Variants in TMEM132B observed in about 807,000 individuals in gnomAD.
The protein encoded by TMEM132B is transmembrane protein 132B.
TMEM132B carries 18 observed loss-of-function variants against 90.8 expected under a neutral mutation model. The observed-to-expected ratio is 0.20, with a 90% CI of 0.14 to 0.29. The LOEUF is 0.29. Among genes scored for constraint, TMEM132B ranks in the 10% least tolerant of loss-of-function variants. The probability of loss-of-function intolerance (pLI) is 1.00; values close to 1 mark genes in which losing one functional copy is unlikely to be tolerated. For synonymous variants in TMEM132B, 504 were observed against 523.3 expected (o/e 0.96, Z 0.50); for missense variants, 1,096 against 1,326.8 (o/e 0.83, Z 2.70).
At position 125,406,551 on chromosome 12, in the gene TMEM132B, G is replaced by A. The variant is rs1353489164; in HGVS notation, c.960-8980G>A. ...CTTTGCATTTCCAAGTGCTTCATGT[G>A]TAGTACCTGAAACTCAAGAAATCCT... On this transcript the variant is annotated intron_variant, in intron 2 of 8. Transcript: ENST00000682704. The surrounding 1 kb of genome is among the most constrained non-coding windows in gnomAD (Gnocchi z 8.3). Among the ~76,000 whole-genome samples, 1 of 152,232 alleles carries A rather than the reference G, an allele frequency of 6.6e-6. No individual in the cohort carries two copies. Among genetic ancestry groups the A allele is most frequent in the Non-Finnish European group, 1.5e-5 (1 of 68,046 alleles).
chr12:125,644,406 G>A, intron 6 of TMEM132B, 125 bp downstream of exon 6: 1 of 1,026,892 alleles, frequency 9.7e-7, no homozygotes, highest in Non-Finnish European at 1.4e-6. Flanking sequence ...AGCGTGGTCT[G>A]GGCTTTGGGT....
intron 1 of TMEM132B, among the ~76,000 whole-genome samples, chr12:125,338,213 A>G (rs1336760179): frequency 6.6e-6 from 1 of 152,218 alleles, no homozygotes; most frequent in Non-Finnish European, 1.5e-5. Context: ...GGCTGCAAGT[A>G]ACAGAAGCCC....
intron 1 of TMEM132B, among the ~76,000 whole-genome samples, chr12:125,278,152 C>T (rs56310653): frequency 6.6e-6 from 1 of 152,156 alleles, no homozygotes. Flanking sequence ...ATGTGGCACT[C>T]TATGTGTTTT....
In TMEM132B at chr12:125,415,879, T is replaced by C. The variant is rs2136362316; in HGVS notation, c.1106+202T>C. Among the ~76,000 whole-genome samples, 1 of 152,356 alleles carries C rather than the reference T, an allele frequency of 6.6e-6. No individual in the cohort carries two copies. The highest frequency in any genetic ancestry group is 1.5e-5 in the Non-Finnish European group (1 of 68,034). ...GTTTGGTAACCGCGTTTTAAATTTT[T>C]ATCTTTATTATTACTATTGTTATTG... On this transcript the variant is annotated intron_variant, in intron 3 of 8. Transcript: ENST00000682704. This position sits in a 1 kb window ranked among gnomAD's most constrained non-coding sequence, Gnocchi z 5.3.
chr12:125,428,295 T>G, intron 3 of TMEM132B, among the ~76,000 whole-genome samples: 1 of 50,272 alleles, frequency 2.0e-5, no homozygotes, highest in East Asian at 1.1e-3. Context: ...CACCCAGCTG[T>G]AAATGACTCT....
chr12:125,381,132 C>G (rs1057428614), intron 2 of TMEM132B, among the ~76,000 whole-genome samples: 1 of 152,294 alleles, frequency 6.6e-6, no homozygotes, highest in Admixed American at 6.5e-5. Context: ...TGTGGAGTTA[C>G]AGGCACGGTG....
intron 5 of TMEM132B, among the ~76,000 whole-genome samples, chr12:125,620,519 T>C (rs1348623465): frequency 6.6e-6 from 1 of 151,978 alleles, no homozygotes; most frequent in Non-Finnish European, 1.5e-5. Context: ...CTTAATGTGC[T>C]GTCTTTCTCC....
At chr12:125,471,725 G>A (rs1483162693) in intron 3 of TMEM132B, among the ~76,000 whole-genome samples, 1 of 152,186 alleles carries the variant, frequency 6.6e-6, no homozygotes, top group Non-Finnish European at 1.5e-5. Context: ...GGACCTGAGA[G>A]TTGACATTTC....
In TMEM132B at chr12:125,583,490, G is replaced by A. The variant is rs79432162; in HGVS notation, c.1294-361G>A. On this transcript the variant is annotated intron_variant, in intron 4 of 8. Coordinates refer to ENST00000682704, the MANE Select transcript of TMEM132B (RefSeq NM_001366854.1). ...GAATATAGGCATTCACTTCCCAAAT[G>A]ATCCTTGAGCCGAGATTTGAAAAAT... 2.9e-3 allele frequency among the ~76,000 whole-genome samples: 449 copies of A among 152,232 alleles called. 5 individuals are homozygous for A. The highest frequency in any genetic ancestry group is 8.8e-3 in the African/African-American group (367 of 41,534).
chr12:125,281,641 C>T (rs1214264383), intron 1 of TMEM132B, among the ~76,000 whole-genome samples: 1 of 152,142 alleles, frequency 6.6e-6, no homozygotes, highest in Non-Finnish European at 1.5e-5. Context: ...TGTCCCTCTA[C>T]TCCCCTCCCT....
At chr12:125,294,358 A>C (rs1183984641) in intron 1 of TMEM132B, among the ~76,000 whole-genome samples, 1 of 152,246 alleles carries the variant, frequency 6.6e-6, no homozygotes, top group African/African-American at 2.4e-5. Context: ...AGAGTTACTC[A>C]TGCACTGTTG....
At chr12:125,602,197 C>G (rs141545027) in intron 5 of TMEM132B, among the ~76,000 whole-genome samples, 2 of 152,124 alleles carry the variant, frequency 1.3e-5, no homozygotes, top group Admixed American at 1.3e-4. Flanking sequence ...TGATGAACAT[C>G]GATGTGAAAA....
rs2136232542 is a variant in TMEM132B, at chr12:125,349,473, T to C, written c.89T>C (p.Val30Ala). 1 of 1,612,326 alleles carries C rather than the reference T, an allele frequency of 6.2e-7. No homozygotes were observed. The highest frequency in any genetic ancestry group is 2.2e-5 in the East Asian group (1 of 44,880). ...GCAGTGACAGAGAGTCGAGGGATTG[T>C]GGATAGCCTGCAGAAGTTTTCCTCG... ...QCPVTESRGI[V>A]DSLQKFSSLP... The change falls in exon 2 of 9, where the codon GTG becomes GCG. Residue 30 changes from valine to alanine, a missense_variant. Val to Ala is a moderately conservative substitution (Grantham distance 64). Transcript: ENST00000682704. This position sits in a 1 kb window ranked among gnomAD's most constrained non-coding sequence, Gnocchi z 4.1.
chr12:125,297,990 T>C (rs1177990256), intron 1 of TMEM132B, among the ~76,000 whole-genome samples: 2 of 152,226 alleles, frequency 1.3e-5, no homozygotes, highest in African/African-American at 4.8e-5. Context: ...TGATGGCTCA[T>C]GCTTGTAATC....
At chr12:125,471,445 C>G (rs1034820832) in intron 3 of TMEM132B, among the ~76,000 whole-genome samples, 1 of 152,242 alleles carries the variant, frequency 6.6e-6, no homozygotes, top group African/African-American at 2.4e-5. Context: ...TTCCTTCTGG[C>G]AGTGAGCATT....
At chr12:125,424,278 C>T (rs1341205337) in intron 3 of TMEM132B, among the ~76,000 whole-genome samples, 2 of 152,130 alleles carry the variant, frequency 1.3e-5, no homozygotes, top group African/African-American at 2.4e-5. Context: ...GGTCAAAATA[C>T]GTGATGCGTT....
At chr12:125,507,553 A>G (rs550905630) in intron 3 of TMEM132B, among the ~76,000 whole-genome samples, 18 of 152,126 alleles carry the variant, frequency 1.2e-4, no homozygotes, top group Non-Finnish European at 2.6e-4. Context: ...CAAGGATGGT[A>G]TAGCTGTCAT....
chr12:125,465,552 T>C (rs1184317343), intron 3 of TMEM132B, among the ~76,000 whole-genome samples: 1 of 152,148 alleles, frequency 6.6e-6, no homozygotes, highest in Non-Finnish European at 1.5e-5. Context: ...TAGAGTCTGG[T>C]TTACATTATT....
At chr12:125,296,801 C>T (rs1397086970) in intron 1 of TMEM132B, among the ~76,000 whole-genome samples, 1 of 152,228 alleles carries the variant, frequency 6.6e-6, no homozygotes, top group Non-Finnish European at 1.5e-5. Flanking sequence ...TGGGACCAGG[C>T]TGTCTGGGCA....
Sources: allele counts gnomAD v4.1 joint callset (sites outside exome capture counted in the v4.1 genomes callset), GRCh38; gene constraint gnomAD v4.1.1; non-coding constraint Gnocchi (gnomAD v3.1); transcripts MANE v1.5; gene names NCBI Gene and HGNC (gene_info 2026-07-23, HGNC 2026-07-21).